Variants in POLA1 observed in about 807,000 individuals in gnomAD.
POLA1 encodes the protein DNA polymerase alpha 1, catalytic subunit, also known as DNA polymerase alpha catalytic subunit.
A neutral mutation model predicts 124.0 loss-of-function variants in POLA1; 15 were observed. The observed-to-expected ratio is 0.12, with a 90% confidence interval of 0.08 to 0.19. The LOEUF is 0.19. Ranked by LOEUF, POLA1 falls within the 10% of genes least tolerant of loss-of-function variation. POLA1 has a pLI of 1.00. For synonymous variants in POLA1, 408 were observed against 389.4 expected, an observed-to-expected ratio of 1.05 and a Z score of -0.56; for missense variants, 886 against 1,103.4, an observed-to-expected ratio of 0.80 and a Z score of 2.79.
At chrX:24,852,413 C>G (rs1366373206) in intron 34 of POLA1, among the ~76,000 whole-genome samples, 1 of 110,082 alleles carries the variant, frequency 9.1e-6, no homozygotes, top group Admixed American at 9.7e-5. Flanking sequence ...CGGGTTCAAG[C>G]GATTCTCCTG....
chrX:24,738,839 G>T (rs143057732), intron 19 of POLA1, among the ~76,000 whole-genome samples: 7 of 111,776 alleles, frequency 6.3e-5, no homozygotes, highest in South Asian at 7.5e-4. Context: ...TACCTTTTTC[G>T]TAATGTTCTC....
At chrX:24,832,285 C>A (rs978410157) in intron 32 of POLA1, among the ~76,000 whole-genome samples, 1 of 111,172 alleles carries the variant, frequency 9.0e-6, no homozygotes, top group Admixed American at 9.6e-5. Context: ...TCAGCCACCC[C>A]CAAAGCACTT....
intron 36 of POLA1, among the ~76,000 whole-genome samples, chrX:24,974,577 C>G (rs2048343303): frequency 9.3e-6 from 1 of 107,779 alleles, no homozygotes; most frequent in African/African-American, 3.4e-5. Context: ...ACTGCATGTT[C>G]TCACTCATAA....
chrX:24,944,644 G>A (rs762616975), intron 36 of POLA1, among the ~76,000 whole-genome samples: 2 of 112,242 alleles, frequency 1.8e-5, no homozygotes, highest in South Asian at 7.5e-4. Context: ...CCTGGAAGCA[G>A]TGTCCTCAAA....
chrX:24,783,646 T>C (rs952985230), intron 26 of POLA1, among the ~76,000 whole-genome samples: 1 of 111,966 alleles, frequency 8.9e-6, no homozygotes, highest in African/African-American at 3.2e-5. Flanking sequence ...CTTGATTTAT[T>C]TTTTTTAAGC....
intron 36 of POLA1, among the ~76,000 whole-genome samples, chrX:24,941,278 CAA>C (rs1232025753): frequency 3.6e-5 from 4 of 111,619 alleles, no homozygotes; most frequent in Non-Finnish European, 5.7e-5. Context: ...TGGTTAAAAG[CAA>C]AGTGTTCACT....
chrX:24,776,459 C>T (rs1035281836), intron 26 of POLA1, among the ~76,000 whole-genome samples: 8 of 111,807 alleles, frequency 7.2e-5, no homozygotes, highest in South Asian at 3.7e-4. Flanking sequence ...TATAGCAAAG[C>T]GTGTGAAAAG....
intron 35 of POLA1, among the ~76,000 whole-genome samples, chrX:24,907,727 G>A (rs2047388417): frequency 8.9e-6 from 1 of 112,098 alleles, no homozygotes; most frequent in African/African-American, 3.2e-5. Context: ...GCTAAAGGAA[G>A]TTATTCAGAG....
intron 15 of POLA1, among the ~76,000 whole-genome samples, chrX:24,728,748 G>A (rs1046775765): frequency 5.4e-5 from 6 of 111,968 alleles, no homozygotes; most frequent in African/African-American, 2.0e-4. Context: ...CTACCTATTT[G>A]TGCAAGTCAA....
At chrX:24,920,150 C>G (rs932710511) in intron 35 of POLA1, among the ~76,000 whole-genome samples, 1 of 110,336 alleles carries the variant, frequency 9.1e-6, no homozygotes, top group African/African-American at 3.3e-5. Context: ...CCTGGCCACC[C>G]CCTCACCCCC....
chrX:24,703,176 A>AT, intron 2 of POLA1, 75 bp from the exon 3 acceptor site: 2 of 764,947 alleles, frequency 2.6e-6, no homozygotes, highest in South Asian at 2.8e-5. Context: ...CAATTTGACA[A>AT]TTTTTTCATC....
chrX:24,736,979 T>C (rs1416945620), intron 18 of POLA1, among the ~76,000 whole-genome samples: 2 of 112,300 alleles, frequency 1.8e-5, no homozygotes, highest in African/African-American at 3.2e-5. Flanking sequence ...GTGAATCATG[T>C]TCACGTGTTG....
chrX:24,941,351 ATTG>A (rs761848976), intron 36 of POLA1, among the ~76,000 whole-genome samples: 4 of 111,994 alleles, frequency 3.6e-5, no homozygotes, highest in Non-Finnish European at 5.6e-5. Context: ...TTAAACTGAC[ATTG>A]TTGTGTTTTG....
chrX:24,891,055 A>G (rs1487782844), intron 35 of POLA1, among the ~76,000 whole-genome samples: 4 of 112,577 alleles, frequency 3.6e-5, no homozygotes, highest in Non-Finnish European at 7.5e-5. Context: ...GAGAAGGTAA[A>G]AGGTTAGTCT....
chrX:24,790,911 GTATATATATATATA>G (rs56343314), intron 26 of POLA1, among the ~76,000 whole-genome samples: 13 of 78,276 alleles, frequency 1.7e-4, no homozygotes, highest in Middle Eastern at 5.7e-3. Flanking sequence ...TTATGTATAT[GTATATATATATATA>G]TATATATATA....
chrX:24,906,793 A>C (rs1003840454), intron 35 of POLA1, among the ~76,000 whole-genome samples: 2 of 112,287 alleles, frequency 1.8e-5, no homozygotes, highest in Non-Finnish European at 3.8e-5. Context: ...TATCAGAAGC[A>C]AAAAATATAA....
chrX:24,733,275 A>G (rs767600132), intron 16 of POLA1, among the ~76,000 whole-genome samples: 2 of 112,362 alleles, frequency 1.8e-5, no homozygotes, highest in African/African-American at 3.2e-5. Flanking sequence ...AAATATGTAG[A>G]AGAGAGCAAT....
intron 26 of POLA1, among the ~76,000 whole-genome samples, chrX:24,788,153 A>G (rs1435202518): frequency 8.9e-6 from 1 of 111,808 alleles, no homozygotes; most frequent in African/African-American, 3.3e-5. Flanking sequence ...GCATTTGACA[A>G]AATTCAATAT....
intron 10 of POLA1, among the ~76,000 whole-genome samples, chrX:24,718,433 A>G (rs774131736): frequency 8.9e-6 from 1 of 112,050 alleles, no homozygotes; most frequent in African/African-American, 3.2e-5. Flanking sequence ...CGAGCCAAGT[A>G]CTAGCAAAGG....
Sources: gnomAD v4.1 joint callset for allele counts (sites outside exome capture counted in the v4.1 genomes callset) on GRCh38, gnomAD v4.1.1 for gene constraint, MANE v1.5 for transcripts, NCBI Gene and HGNC (gene_info 2026-07-23, HGNC 2026-07-21) for gene names.